VIT: variants seen among roughly 807,000 people sequenced by gnomAD.
The protein encoded by VIT is vitrin.
In VIT, 99 loss-of-function variants were observed where a neutral mutation model predicts 78.0. The observed-to-expected ratio is 1.27, with a 90% confidence interval of 1.08 to 1.50. The LOEUF is 1.50. VIT is among the 40% of genes most tolerant of loss of function. VIT has a pLI of 0.00. For synonymous variants in VIT, 374 were observed against 334.3 expected, an observed-to-expected ratio of 1.12 and a Z score of -1.29; for missense variants, 1,126 against 875.3, an observed-to-expected ratio of 1.29 and a Z score of -3.61.
At position 36,712,748 on chromosome 2, in the gene VIT, T is replaced by A. The variant is rs532948444; in HGVS notation, c.-18-3605T>A. On this transcript the variant is annotated intron_variant, in intron 1 of 15. Transcript: ENST00000379242. ...CTACTCGGGAGGCTGAGGCAGAGAA[T>A]TGCTTGAACCCGGGAGGTGGACGTT... Among the ~76,000 whole-genome samples the A allele has an allele frequency of 3.9e-5, 6 of 152,284 alleles. No homozygotes were observed. In the East Asian group the frequency reaches 1.2e-3, roughly 29 times the overall value.
chr2:36,701,689 C>A (rs1341214521), intron 1 of VIT, among the ~76,000 whole-genome samples: 6 of 152,158 alleles, frequency 3.9e-5, no homozygotes, highest in African/African-American at 1.4e-4. Flanking sequence ...GTCACTGGCA[C>A]CTTAATGCTA....
chr2:36,774,194 A>C (rs765345279), intron 8 of VIT, among the ~76,000 whole-genome samples: 11 of 152,142 alleles, frequency 7.2e-5, no homozygotes, highest in Admixed American at 2.0e-4. Context: ...AATTTGTATC[A>C]TCTCCCAGGA....
At chr2:36,766,213 G>C (rs1223944780) in intron 6 of VIT, among the ~76,000 whole-genome samples, 2 of 152,180 alleles carry the variant, frequency 1.3e-5, no homozygotes, top group Non-Finnish European at 2.9e-5. Flanking sequence ...ATCATCACAC[G>C]TGGATGAAGA....
intron 6 of VIT, among the ~76,000 whole-genome samples, chr2:36,763,847 C>T (rs530380238): frequency 3.3e-5 from 5 of 152,178 alleles, no homozygotes; most frequent in South Asian, 2.1e-4. Context: ...TCTCGGCCCC[C>T]GCAAGTGCTA....
intron 6 of VIT, among the ~76,000 whole-genome samples, chr2:36,762,726 C>T (rs1047204113): frequency 2.0e-5 from 3 of 152,140 alleles, no homozygotes; most frequent in Non-Finnish European, 4.4e-5. Context: ...AAAATGTGTC[C>T]CGTCTCTCTG....
chr2:36,768,240 TGG>T (rs1167947601), intron 7 of VIT, among the ~76,000 whole-genome samples: 1 of 152,206 alleles, frequency 6.6e-6, no homozygotes, highest in Non-Finnish European at 1.5e-5. Context: ...AAGACCAGCC[TGG>T]CCAGCATGGT....
chr2:36,771,815 C>A (rs763999199), intron 7 of VIT, among the ~76,000 whole-genome samples: 3 of 152,076 alleles, frequency 2.0e-5, no homozygotes, highest in Non-Finnish European at 4.4e-5. Flanking sequence ...AGTTACTATA[C>A]AGGTAGTAAA....
intron 13 of VIT, among the ~76,000 whole-genome samples, chr2:36,805,115 C>T (rs573320305): frequency 1.4e-4 from 22 of 152,042 alleles, no homozygotes; most frequent in Non-Finnish European, 2.6e-4. Flanking sequence ...CCAGCCTAGG[C>T]AGCATGGCAA....
chr2:36,769,537 A>G (rs1321077188), intron 7 of VIT, among the ~76,000 whole-genome samples: 1 of 152,234 alleles, frequency 6.6e-6, no homozygotes, highest in Non-Finnish European at 1.5e-5. Flanking sequence ...AGCATGCACC[A>G]CAATGGCTAG....
intron 7 of VIT, 144 bp downstream of exon 7, chr2:36,767,429 C>T (rs1445235844): frequency 1.1e-5 from 9 of 783,706 alleles, no homozygotes; most frequent in Non-Finnish European, 1.6e-5. Flanking sequence ...TTTGTGTCCT[C>T]CTCCTAGATT....
Position 36,791,192 on chromosome 2 carries a change from G to A in VIT, c.1058+3916G>A, listed in dbSNP as rs75027401. ...CCTTGCTCATGAGTCTATAATAGCT[G>A]TCCTGTGGTTTAGTGAGTGGCTCTG... On this transcript the variant is annotated intron_variant, in intron 12 of 15. Transcript: ENST00000379242. Among the ~76,000 whole-genome samples, 10 of 152,274 alleles carry A rather than the reference G, an allele frequency of 6.6e-5. No homozygotes were observed. The East Asian group carries it at 1.9e-3, about 29-fold the overall frequency.
chr2:36,715,318 T>C (rs1211983443), intron 1 of VIT, among the ~76,000 whole-genome samples: 6 of 151,998 alleles, frequency 3.9e-5, no homozygotes, highest in African/African-American at 1.5e-4. Flanking sequence ...GGCAGGTGGA[T>C]CACAAGGTCA....
chr2:36,810,566 G>T (rs1667083516), intron 15 of VIT, among the ~76,000 whole-genome samples: 1 of 151,784 alleles, frequency 6.6e-6, no homozygotes, highest in African/African-American at 2.4e-5. Context: ...CCAATGCCCT[G>T]TAGACAAATA....
intron 12 of VIT, among the ~76,000 whole-genome samples, chr2:36,791,057 A>G (rs1168232649): frequency 6.6e-6 from 1 of 152,234 alleles, no homozygotes; most frequent in Non-Finnish European, 1.5e-5. Context: ...TAAATGGAAC[A>G]TAATTGCACA....
chr2:36,801,426 T>G (rs778214701), intron 13 of VIT, 22 bp downstream of exon 13: 1 of 1,560,612 alleles, frequency 6.4e-7, no homozygotes, highest in African/African-American at 1.4e-5. Flanking sequence ...GGATTCAAAT[T>G]ATACTATCTT....
rs142985592 is a variant in VIT, at chr2:36,802,721, G to T, written c.1162+1317G>T. On this transcript the variant is annotated intron_variant, in intron 13 of 15. Transcript: ENST00000379242. The stretch of plus-strand genomic sequence containing the variant: ...ACTCTCGTTCCTTGACGAGGTTAGC[G>T]ATGGGTCTCAATCCAATCAGCATAC... Among the ~76,000 whole-genome samples, 394 of 152,324 alleles carry T rather than the reference G, an allele frequency of 2.6e-3. 3 individuals are homozygous for T. Among genetic ancestry groups the T allele is most frequent in the Non-Finnish European group, 3.8e-3 (256 of 68,032 alleles).
At chr2:36,790,336 ATCT>A (rs993847591) in intron 12 of VIT, among the ~76,000 whole-genome samples, 4 of 151,956 alleles carry the variant, frequency 2.6e-5, no homozygotes, top group Non-Finnish European at 4.4e-5. Flanking sequence ...CTCCATTCTG[ATCT>A]TCTCTCAGCT....
At chr2:36,764,964 C>CA (rs1259663625) in intron 6 of VIT, among the ~76,000 whole-genome samples, 1 of 151,648 alleles carries the variant, frequency 6.6e-6, no homozygotes, top group Non-Finnish European at 1.5e-5. Context: ...TGCTGTGTAA[C>CA]AAAAATGTAT....
intron 15 of VIT, among the ~76,000 whole-genome samples, chr2:36,813,061 A>T (rs561431774): frequency 6.8e-6 from 1 of 147,098 alleles, no homozygotes; most frequent in Non-Finnish European, 1.5e-5. Context: ...AAAAAATAGG[A>T]TTTTTTGTGA....
Sources: gnomAD v4.1 joint callset for allele counts (sites outside exome capture counted in the v4.1 genomes callset) on GRCh38, gnomAD v4.1.1 for gene constraint, MANE v1.5 for transcripts, NCBI Gene and HGNC (gene_info 2026-07-23, HGNC 2026-07-21) for gene names.